The following RASAL3 variants were observed in gnomAD, a reference collection of about 807,000 sequenced individuals.
RASAL3 encodes the protein RAS protein activator like-3.
A neutral mutation model predicts 105.5 loss-of-function variants in RASAL3; 74 were observed. The observed-to-expected ratio is 0.70, with a 90% CI of 0.58 to 0.85. The LOEUF is 0.85. Ranked by LOEUF, RASAL3 falls within the 40% of genes least tolerant of loss-of-function variation. RASAL3 has a pLI of 0.00. For missense variants in RASAL3, 1,352 were observed against 1,392.0 expected, an observed-to-expected ratio of 0.97 and a Z score of 0.46; for synonymous variants, 579 against 591.6, an observed-to-expected ratio of 0.98 and a Z score of 0.31.
chr19:15,457,583 C>G lies in RASAL3; in HGVS notation c.1140G>C (p.Leu380=). ...LRGLGPGSAV[L]GRVALALEEL... is the part of the protein sequence containing the mutation. ...CCTCCAGCGCCAGGGCCACGCGGCCCAGCACCGCGCTTCCCGGGCCCAAGC... is the reference window on the plus strand; with the variant it reads ...CCTCCAGCGCCAGGGCCACGCGGCCGAGCACCGCGCTTCCCGGGCCCAAGC... Residue 380 remains leucine, a synonymous_variant, in exon 9 of 18, where the codon CTG becomes CTC. Coordinates refer to ENST00000343625, the MANE Select transcript of RASAL3 (RefSeq NM_022904.3). This position sits in a 1 kb window ranked among gnomAD's most constrained non-coding sequence, Gnocchi z 8.6. The G allele has an allele frequency of 7.8e-7, 1 of 1,277,684 alleles. No individual in the cohort carries two copies. 79.1% of individuals were successfully genotyped at this position (1,277,684 alleles called of 1,614,324 possible). A position where few individuals can be genotyped will look rare whatever the true frequency, so the allele number is the denominator to read the frequency against.
chr19:15,451,737 C>A lies in RASAL3; in HGVS notation c.*58G>T. The A allele has an allele frequency of 6.5e-7, 1 of 1,539,600 alleles. No homozygotes were observed. The highest frequency in any genetic ancestry group is 8.8e-7 in the Non-Finnish European group (1 of 1,135,416). On this transcript the variant is annotated 3_prime_UTR_variant, in exon 18 of 18. Transcript: ENST00000343625. ...GGGCTAAGGCAAAGTCAGACACCCC[C>A]CCTAAGATGGCTATCTCTCTGCTCC...
At position 15,452,170 on chromosome 19, in the gene RASAL3, G is replaced by A. The variant is rs1464836702; in HGVS notation, c.2829-62C>T. On this transcript the variant is annotated intron_variant, in intron 16 of 17. Transcript: ENST00000343625. The stretch of plus-strand genomic sequence containing the variant: ...CTAAGGAAGTCCCTTCCAGCTCCTG[G>A]TGGGAGTGCCAGGGACTCCGGGGGC... The A allele has an allele frequency of 1.9e-6, 3 of 1,565,834 alleles. No individual in the cohort carries two copies. The African/African-American group carries it at 4.1e-5, about 21-fold the overall frequency.
At chr19:15,454,305 C>A in intron 13 of RASAL3, 38 bp from the exon 14 acceptor site, 1 of 1,567,484 alleles carries the variant, frequency 6.4e-7, no homozygotes, top group Non-Finnish European at 8.7e-7. Flanking sequence ...AGCAAAGTCT[C>A]CAGGGTCAGA....
chr19:15,454,893 G>T lies in RASAL3; in HGVS notation c.1722C>A (p.Asp574Glu). 1 of 1,550,470 alleles carries T rather than the reference G, an allele frequency of 6.4e-7. No individual in the cohort carries two copies. ...EVFETIIHSY[D>E]WFPAELGIVF... ...CGATGCCCAGCTCCGCAGGGAACCA[G>T]CTGGTGCAGAAGAGGCAATGAATGG... Residue 574 changes from aspartate to glutamate, a missense_variant and splice_region_variant, in exon 12 of 18, where the codon GAC (aspartate) becomes GAA (glutamate). Transcript: ENST00000343625.
At position 15,457,290 on chromosome 19, in the gene RASAL3, A is replaced by G; in HGVS notation, c.1431+2T>C. On this transcript the variant is annotated splice_donor_variant, in intron 9 of 17. Coordinates refer to ENST00000343625, the MANE Select transcript of RASAL3 (RefSeq NM_022904.3). LOFTEE classifies it high-confidence loss of function. The surrounding 1 kb of genome is among the most constrained non-coding windows in gnomAD (Gnocchi z 8.6). ...CCGGTCCGCGCTGTCGCGGTGCCGC[A>G]CCTGCGCCCGGCCGGTGGCCCGCAG... is the stretch of plus-strand genomic sequence containing the variant. 1 of 1,290,318 alleles carries G rather than the reference A, an allele frequency of 7.8e-7. No individual in the cohort carries two copies. The highest frequency in any genetic ancestry group is 9.8e-7 in the Non-Finnish European group (1 of 1,019,502). The allele number at this position is 1,290,318 out of a possible 1,614,324, so 79.9% of individuals were successfully genotyped here.
intron 14 of RASAL3, 51 bp downstream of exon 14, chr19:15,454,098 C>T: frequency 7.4e-7 from 1 of 1,357,028 alleles, no homozygotes; most frequent in South Asian, 1.3e-5. Context: ...TGTCTGAGCC[C>T]TGCTCCTTCC....
At position 15,454,167 on chromosome 19, in the gene RASAL3, G is replaced by A. The variant is rs867767160; in HGVS notation, c.2261C>T (p.Pro754Leu). 4.5e-6 allele frequency: 7 copies of A among 1,563,476 alleles called. No homozygotes were observed. The highest frequency in any genetic ancestry group is 3.8e-5 in the Admixed American group (2 of 52,282). The change falls in exon 14 of 18, where the codon CCG becomes CTG. Residue 754 changes from proline (P) to leucine (L), a missense_variant. Around this residue, in one of 3 missense-constraint regions of RASAL3, gnomAD observed 920 missense variants for 919.6 expected, o/e 1.00. Transcript: ENST00000343625. ...VSVPMRLPLP[P>L]AQVHSSLSAG... ...AGGTTACCTGGAGTGGACCTGGGCC[G>A]GGGGCAGTGGGAGACGCATTGGCAC... is the stretch of plus-strand genomic sequence containing the variant.
In RASAL3 at chr19:15,461,131, G is replaced by A. The variant is rs535918727; in HGVS notation, c.545-10C>T. On this transcript the variant is annotated splice_polypyrimidine_tract_variant and intron_variant, in intron 4 of 17. Coordinates refer to ENST00000343625, the MANE Select transcript of RASAL3 (RefSeq NM_022904.3). The stretch of plus-strand genomic sequence containing the variant: ...TTTCCAGGCATCCGATCTGTGGGTC[G>A]TTATGGGTGGCAGGTTGGGGGGTTG... The A allele has an allele frequency of 2.0e-5, 33 of 1,613,716 alleles. No individual in the cohort carries two copies. Among genetic ancestry groups the A allele is most frequent in the South Asian group, 1.6e-4 (15 of 91,066 alleles).
At chr19:15,452,191 G>C in intron 16 of RASAL3, 83 bp from the exon 17 acceptor site, 1 of 1,411,998 alleles carries the variant, frequency 7.1e-7, no homozygotes, top group Non-Finnish European at 1.0e-6. Flanking sequence ...AGGGACTCCG[G>C]GGGCGGAGCT....
intron 8 of RASAL3, 76 bp downstream of exon 8, chr19:15,458,252 G>C (rs1160472738): frequency 7.1e-7 from 1 of 1,412,196 alleles, no homozygotes; most frequent in Non-Finnish European, 9.8e-7. Context: ...GAGCGAGCTG[G>C]CTTTGGGTAG....
In RASAL3 at chr19:15,460,744, G is replaced by A. The variant is rs114597611; in HGVS notation, c.606+316C>T. Among the ~76,000 whole-genome samples the A allele has an allele frequency of 1.8e-3, 274 of 152,238 alleles. 1 individual carries two copies. The highest frequency in any genetic ancestry group is 6.2e-3 in the African/African-American group (257 of 41,536). The stretch of plus-strand genomic sequence containing the variant: ...CTATACTATTCATTTATTTATTTAA[G>A]AGATGAAGTCTCCCCATGTTGCTTA... On this transcript the variant is annotated intron_variant, in intron 5 of 17. Coordinates refer to ENST00000343625, the MANE Select transcript of RASAL3 (RefSeq NM_022904.3).
Position 15,457,501 on chromosome 19 carries a change from C to G in RASAL3, c.1222G>C (p.Gly408Arg), listed in dbSNP as rs999556364. 1.6e-4 allele frequency: 186 copies of G among 1,183,580 alleles called. No homozygotes were observed. Among genetic ancestry groups the G allele is most frequent in the Non-Finnish European group, 1.8e-4 (175 of 952,792 alleles). 73.3% of individuals were successfully genotyped at this position (1,183,580 alleles called of 1,614,324 possible). The change falls in exon 9 of 18, where the codon GGG (glycine) becomes CGG (arginine). Residue 408 changes from glycine (G) to arginine (R), a missense_variant. Transcript: ENST00000343625. This position sits in a 1 kb window ranked among gnomAD's most constrained non-coding sequence, Gnocchi z 8.6. ...CGCAGCGCTGCGCCCGCCGGCGCCC[C>G]GAGCAGCGGGAACCAGCGCTCCAGA... is the stretch of plus-strand genomic sequence containing the variant. ...AGLERWFPLL[G>R]APAGAALRAR...
chr19:15,453,459 C>T lies in RASAL3; in HGVS notation c.2318G>A (p.Arg773Gln), dbSNP rs377706363. The change falls in exon 15 of 18, where the codon CGG becomes CAG. Residue 773 changes from arginine to glutamine, a missense_variant. Around this residue, in one of 3 missense-constraint regions of RASAL3, gnomAD observed 920 missense variants for 919.6 expected, o/e 1.00. Transcript: ENST00000343625. The surrounding 1 kb of genome is among the most constrained non-coding windows in gnomAD (Gnocchi z 4.2). ...AGEKPGFLAP[R>Q]DLPKHTPLIS... ...GAGAGGGGTGTGCTTGGGGAGGTCC[C>T]GGGGGGCCAGGAAGCCGGGCTTCTC... 12 of 1,544,312 alleles carry T rather than the reference C, an allele frequency of 7.8e-6. No individual in the cohort carries two copies. In the African/African-American group the frequency reaches 1.3e-4, roughly 17 times the overall value.
rs1212202723 is a variant in RASAL3, at chr19:15,454,889, A to G, written c.1726T>C (p.Phe576Leu). ...FETIIHSYDW[F>L]PAELGIVFSS... is the part of the protein sequence containing the mutation. ...AACACGATGCCCAGCTCCGCAGGGA[A>G]CCAGCTGGTGCAGAAGAGGCAATGA... Residue 576 changes from phenylalanine to leucine, a missense_variant, in exon 12 of 18, where the codon TTC becomes CTC. Physicochemically the swap from Phe to Leu is conservative, Grantham distance 22. Around this residue, in one of 3 missense-constraint regions of RASAL3, gnomAD observed 920 missense variants for 919.6 expected, o/e 1.00. Transcript: ENST00000343625. 1.3e-6 allele frequency: 2 copies of G among 1,548,928 alleles called. No individual in the cohort carries two copies. The highest frequency in any genetic ancestry group is 1.7e-6 in the Non-Finnish European group (2 of 1,146,926).
intron 5 of RASAL3, 51 bp from the exon 6 acceptor site, chr19:15,460,309 C>T (rs913430767): frequency 1.3e-6 from 2 of 1,538,280 alleles, no homozygotes; most frequent in Admixed American, 3.7e-5. Flanking sequence ...CCTTCCTCAG[C>T]TCCTTCCCTC....
Position 15,464,254 on chromosome 19 carries a change from A to G in RASAL3, c.105T>C (p.Ala35=). The change falls in exon 2 of 18, where the codon GCT becomes GCC. Residue 35 remains alanine, a synonymous_variant. Coordinates refer to ENST00000343625, the MANE Select transcript of RASAL3 (RefSeq NM_022904.3). ...CAAAGCGGCCCCAGCGGAACCCTCC[A>G]GCCGCCTTCTCCCCACCGCCCCCTG... ...WHTGGGGEKA[A]GGFRWGRFAG... 6.2e-7 allele frequency: 1 copy of G among 1,608,778 alleles called. No homozygotes were observed. The highest frequency in any genetic ancestry group is 1.1e-5 in the South Asian group (1 of 90,286).
chr19:15,454,519 GGAAGCTATTCAT>G lies in RASAL3; in HGVS notation c.1990_2001del (p.Met664_Phe667del), dbSNP rs1467776270. 1.2e-6 allele frequency: 2 copies of G among 1,614,002 alleles called. No homozygotes were observed. Among genetic ancestry groups the G allele is most frequent in the South Asian group, 1.1e-5 (1 of 91,084 alleles). ...TGCATGGCTGGTCCATGTTCCTCCAGGAAGCTATTCATGAAGCCCATGTAGGCCTCCTTCTCA... is the reference window on the plus strand; with the variant it reads ...TGCATGGCTGGTCCATGTTCCTCCAGGAAGCCCATGTAGGCCTCCTTCTCA... On this transcript the variant is annotated inframe_deletion, in exon 13 of 18. Transcript: ENST00000343625.
chr19:15,458,588 G>A lies in RASAL3; in HGVS notation c.730C>T (p.Arg244Trp). 4 of 1,613,480 alleles carry A rather than the reference G, an allele frequency of 2.5e-6. No homozygotes were observed. The highest frequency in any genetic ancestry group is 2.5e-6 in the Non-Finnish European group (3 of 1,179,706). ...TGCAGTGGCCAGATCCGCACATCCC[G>A]CTCGGCACCCAGGTCCAGTTCAGAG... ...TLSELDLGAE[R>W]DVRIWPLHPS... is the part of the protein sequence containing the mutation. Residue 244 changes from arginine (R) to tryptophan (W), a missense_variant, in exon 7 of 18, where the codon CGG becomes TGG. Physicochemically the swap from Arg to Trp is moderately radical, Grantham distance 101. Transcript: ENST00000343625.
At position 15,458,361 on chromosome 19, in the gene RASAL3, G is replaced by A. The variant is rs1447123574; in HGVS notation, c.855C>T (p.Ile285=). 3.1e-6 allele frequency: 5 copies of A among 1,613,784 alleles called. No homozygotes were observed. In the African/African-American group the frequency reaches 5.3e-5, roughly 17 times the overall value. ...GCTGGAATTGGCGACGAAGGTCCTC[G>A]ATCCAGCGGTCTCTCTCAGCGGCCG... ...CRSAAERDRW[I]EDLRRQFQPT... is the part of the protein sequence containing the mutation. Residue 285 remains isoleucine (I), a synonymous_variant, in exon 8 of 18, where the codon ATC becomes ATT. Coordinates refer to ENST00000343625, the MANE Select transcript of RASAL3 (RefSeq NM_022904.3).
Sources: gnomAD v4.1 joint callset for allele counts (sites outside exome capture counted in the v4.1 genomes callset) on GRCh38, gnomAD v4.1.1 for gene constraint, gnomAD v4.1.1 regional missense constraint, Gnocchi (gnomAD v3.1) non-coding constraint, MANE v1.5 for transcripts, NCBI Gene and HGNC (gene_info 2026-07-23, HGNC 2026-07-21) for gene names.